The following FNBP1 variants were observed in gnomAD, a reference collection of about 807,000 sequenced individuals.
The protein encoded by FNBP1 is formin binding protein 1, also known as formin-binding protein 1.
Under a neutral mutation model 90.6 loss-of-function variants are expected in FNBP1, and 26 were observed. That is an observed-to-expected ratio of 0.29 (90% confidence interval 0.21 to 0.40). The LOEUF is 0.40. Ranked by LOEUF, FNBP1 falls within the 10% of genes least tolerant of loss-of-function variation. FNBP1 has a pLI of 1.00. For synonymous variants in FNBP1, 260 were observed against 265.2 expected, an observed-to-expected ratio of 0.98 and a Z score of 0.19; for missense variants, 635 against 768.0, an observed-to-expected ratio of 0.83 and a Z score of 2.05.
At chr9:129,962,130 C>A (rs1288928616) in intron 4 of FNBP1, among the ~76,000 whole-genome samples, 1 of 152,142 alleles carries the variant, frequency 6.6e-6, no homozygotes, top group East Asian at 1.9e-4. Flanking sequence ...GGTCCTTGGA[C>A]CAAAGGGCAC....
At chr9:130,012,460 T>A (rs111363293) in intron 1 of FNBP1, among the ~76,000 whole-genome samples, 109 of 152,222 alleles carry the variant, frequency 7.2e-4, no homozygotes, top group African/African-American at 2.6e-3. Context: ...ACGGGGATAA[T>A]TGCATATCTA....
chr9:129,927,483 C>T, intron 7 of FNBP1, 142 bp from the exon 8 acceptor site: 1 of 685,196 alleles, frequency 1.5e-6, no homozygotes, highest in Non-Finnish European at 2.5e-6. Flanking sequence ...TACACGGAGC[C>T]TCCATATTAC....
At chr9:129,998,466 AC>A (rs1280690870) in intron 1 of FNBP1, among the ~76,000 whole-genome samples, 1 of 151,672 alleles carries the variant, frequency 6.6e-6, no homozygotes, top group African/African-American at 2.4e-5. Flanking sequence ...GTGAGCCAAG[AC>A]GGGGCCATTG....
At chr9:129,940,696 G>A (rs1338052717) in intron 6 of FNBP1, among the ~76,000 whole-genome samples, 2 of 151,716 alleles carry the variant, frequency 1.3e-5, no homozygotes, top group African/African-American at 4.8e-5. Flanking sequence ...GCACAATCTC[G>A]GCTCACTGCA....
Position 130,017,656 on chromosome 9 carries a change from C to A in FNBP1, c.25-22698G>T, listed in dbSNP as rs150637469. The stretch of plus-strand genomic sequence containing the variant: ...ACCAGCCTGGCCAACATCGCGAAAC[C>A]CAGTCTCTACTAAAAATACAAAAAT... On this transcript the variant is annotated intron_variant, in intron 1 of 16. Coordinates refer to ENST00000446176, the MANE Select transcript of FNBP1 (RefSeq NM_015033.3). Among the ~76,000 whole-genome samples, 1,343 of 151,914 alleles carry A rather than the reference C, an allele frequency of 8.8e-3. 15 individuals are homozygous for A. Among genetic ancestry groups the A allele is most frequent in the Non-Finnish European group, 0.013 (856 of 67,962 alleles).
intron 1 of FNBP1, among the ~76,000 whole-genome samples, chr9:130,003,923 C>CA (rs545865153): frequency 2.7e-5 from 3 of 110,314 alleles, no homozygotes; most frequent in African/African-American, 1.0e-4. Flanking sequence ...GACTCCGCCT[C>CA]AAAAAAAAAA....
intron 6 of FNBP1, among the ~76,000 whole-genome samples, chr9:129,936,124 C>T (rs1378134024): frequency 4.6e-5 from 7 of 152,176 alleles, no homozygotes; most frequent in Admixed American, 4.6e-4. Context: ...TATAAATGCC[C>T]ACCTTTTGTC....
chr9:129,986,422 A>G (rs2052253950), intron 2 of FNBP1, among the ~76,000 whole-genome samples: 1 of 152,122 alleles, frequency 6.6e-6, no homozygotes, highest in Admixed American at 6.6e-5. Context: ...CCCATCAATA[A>G]ATGAGGGTGG....
chr9:129,928,387 T>A (rs921371962), intron 7 of FNBP1, among the ~76,000 whole-genome samples: 7 of 152,144 alleles, frequency 4.6e-5, no homozygotes, highest in Admixed American at 2.0e-4. Flanking sequence ...AAATAGGCGC[T>A]GTGGCTCACG....
intron 6 of FNBP1, among the ~76,000 whole-genome samples, chr9:129,952,853 A>G (rs2046384343): frequency 6.6e-6 from 1 of 152,138 alleles, no homozygotes; most frequent in South Asian, 2.1e-4. Flanking sequence ...ACATCCCATA[A>G]ATGGTTTTGT....
chr9:130,045,174 C>G (rs2060054005), upstream of FNBP1: 1 of 152,102 alleles, frequency 6.6e-6, no homozygotes, highest in Non-Finnish European at 1.5e-5. Flanking sequence ...GTTACCAGGT[C>G]TGAATTCTCT....
intron 4 of FNBP1, among the ~76,000 whole-genome samples, chr9:129,961,350 G>C (rs1469178586): frequency 6.6e-6 from 1 of 152,036 alleles, no homozygotes; most frequent in Non-Finnish European, 1.5e-5. Context: ...AACAAGTAGA[G>C]AGACTAATAT....
At chr9:129,926,223 C>T (rs576207572) in intron 8 of FNBP1, among the ~76,000 whole-genome samples, 17 of 152,280 alleles carry the variant, frequency 1.1e-4, no homozygotes, top group African/African-American at 3.4e-4. Flanking sequence ...CCACCCGCTC[C>T]GGCCTCCCAA....
At chr9:130,023,045 A>T (rs1275931842) in intron 1 of FNBP1, among the ~76,000 whole-genome samples, 2 of 152,296 alleles carry the variant, frequency 1.3e-5, no homozygotes, top group African/African-American at 4.8e-5. Context: ...GCGGCTAAGG[A>T]AAAGAAACCC....
At chr9:129,931,983 C>A (rs898090033) in intron 6 of FNBP1, among the ~76,000 whole-genome samples, 1 of 151,774 alleles carries the variant, frequency 6.6e-6, no homozygotes, top group African/African-American at 2.4e-5. Flanking sequence ...GAGGCTGAGG[C>A]GGGTGGATGA....
intron 6 of FNBP1, among the ~76,000 whole-genome samples, chr9:129,936,159 T>C (rs2043427962): frequency 6.6e-6 from 1 of 152,146 alleles, no homozygotes; most frequent in Non-Finnish European, 1.5e-5. Context: ...GAAAGCCATG[T>C]GGAATATTTT....
chr9:130,006,914 C>A (rs2055794233), intron 1 of FNBP1, among the ~76,000 whole-genome samples: 1 of 151,974 alleles, frequency 6.6e-6, no homozygotes. Flanking sequence ...TAGGAGGCAG[C>A]TGCATATGGA....
chr9:129,988,630 T>C (rs1411660657), intron 2 of FNBP1, among the ~76,000 whole-genome samples: 2 of 152,070 alleles, frequency 1.3e-5, no homozygotes, highest in Admixed American at 6.6e-5. Flanking sequence ...TGAGCTGAGA[T>C]TGTACCACTG....
Position 129,890,090 on chromosome 9 carries a change from A to G in FNBP1, c.*449T>C. 1 of 277,260 alleles carries G rather than the reference A, an allele frequency of 3.6e-6. No homozygotes were observed. Among genetic ancestry groups the G allele is most frequent in the East Asian group, 5.6e-5 (1 of 17,766 alleles). The allele number at this position is 277,260 out of a possible 1,614,324, so 17.2% of individuals were successfully genotyped here. ...GGACACACGGATGACATCGACACGG[A>G]TGACATCGAGTGCTCAGTCCGCCTG... On this transcript the variant is annotated 3_prime_UTR_variant, in exon 17 of 17. Coordinates refer to ENST00000446176, the MANE Select transcript of FNBP1 (RefSeq NM_015033.3). The surrounding 1 kb of genome is among the most constrained non-coding windows in gnomAD (Gnocchi z 5.8).
Sources: gnomAD v4.1 joint callset for allele counts (sites outside exome capture counted in the v4.1 genomes callset) on GRCh38, gnomAD v4.1.1 for gene constraint, Gnocchi (gnomAD v3.1) non-coding constraint, MANE v1.5 for transcripts, NCBI Gene and HGNC (gene_info 2026-07-23, HGNC 2026-07-21) for gene names.